The following TRMT11 variants were observed in gnomAD, a reference collection of about 807,000 sequenced individuals.
TRMT11 encodes tRNA (guanine(10)-N(2))-methyltransferase TRMT11.
In TRMT11, 53 loss-of-function variants were observed where a neutral mutation model predicts 62.8. The ratio of observed to expected loss-of-function variants is 0.84; its 90% CI spans 0.68 to 1.06. The LOEUF (loss-of-function observed/expected upper bound fraction) is 1.06, where lower values mean the gene tolerates loss of function less well. Among genes scored for constraint, TRMT11 ranks in the 50% least tolerant of loss-of-function variants. The pLI is 0.00. For synonymous variants in TRMT11, 188 were observed against 190.3 expected (o/e 0.99, Z 0.10); for missense variants, 556 against 553.4 (o/e 1.00, Z -0.05).
chr6:126,083,578 T>G (rs1777183509), intron 17 of TRMT11, among the ~76,000 whole-genome samples: 1 of 152,100 alleles, frequency 6.6e-6, no homozygotes, highest in Non-Finnish European at 1.5e-5. Context: ...GTGAAGCAAA[T>G]TAGCATATAC....
At chr6:126,266,922 C>T in the TRMT11 span, among the ~76,000 whole-genome samples, 2 of 152,134 alleles carry the variant, frequency 1.3e-5, no homozygotes, top group Non-Finnish European at 2.9e-5. Context: ...CCTCTTCCTC[C>T]TTAACCTGTA....
chr6:125,998,174 G>C (rs377424685), intron 4 of TRMT11, 40 bp downstream of exon 4: 35 of 1,595,672 alleles, frequency 2.2e-5, no homozygotes, highest in Non-Finnish European at 3.0e-5. Context: ...CATGCGTGCA[G>C]ATTCTGTAGA....
intron 8 of TRMT11, among the ~76,000 whole-genome samples, chr6:126,009,854 G>C (rs1231324680): frequency 1.3e-5 from 2 of 151,944 alleles, no homozygotes; most frequent in African/African-American, 4.8e-5. Flanking sequence ...ATTTATTAAA[G>C]TTATGTTTGG....
chr6:126,027,814 G>A (rs1490614728), intron 12 of TRMT11, among the ~76,000 whole-genome samples: 1 of 152,066 alleles, frequency 6.6e-6, no homozygotes, highest in African/African-American at 2.4e-5. Context: ...AAAACTGAGG[G>A]TTTTAACTAA....
At chr6:126,220,559 T>C in the TRMT11 span, among the ~76,000 whole-genome samples, 2 of 152,172 alleles carry the variant, frequency 1.3e-5, no homozygotes, top group African/African-American at 4.8e-5. Context: ...CTGAAGATCA[T>C]AAAAATGAAG....
intron 21 of TRMT11, among the ~76,000 whole-genome samples, chr6:126,156,326 A>G (rs1375029593): frequency 1.3e-5 from 2 of 151,308 alleles, no homozygotes; most frequent in African/African-American, 4.9e-5. Flanking sequence ...TGGGGGCTCC[A>G]CCCCACATTT....
intron 12 of TRMT11, among the ~76,000 whole-genome samples, chr6:126,024,607 T>A (rs1772696309): frequency 6.6e-6 from 1 of 152,238 alleles, no homozygotes; most frequent in Non-Finnish European, 1.5e-5. Context: ...TATGCATAAT[T>A]ACCTCCTTAA....
intron 7 of TRMT11, among the ~76,000 whole-genome samples, chr6:126,002,461 T>C (rs538172543): frequency 6.6e-6 from 1 of 152,220 alleles, no homozygotes; most frequent in South Asian, 2.1e-4. Flanking sequence ...GTTTCACAGT[T>C]GTTTTGCTTA....
intron 1 of TRMT11, among the ~76,000 whole-genome samples, chr6:126,194,741 A>G (rs968064741): frequency 1.5e-4 from 23 of 152,322 alleles, no homozygotes; most frequent in African/African-American, 4.6e-4. Context: ...CTTCATACCA[A>G]GTCTTCAAAA....
chr6:126,126,503 A>G (rs569938855), intron 21 of TRMT11, among the ~76,000 whole-genome samples: 103 of 152,216 alleles, frequency 6.8e-4, no homozygotes, highest in African/African-American at 2.4e-3. Context: ...CTCTTGGTCT[A>G]CAGCCTCCTC....
At chr6:126,003,224 G>A (rs905822062) in intron 7 of TRMT11, among the ~76,000 whole-genome samples, 1 of 152,038 alleles carries the variant, frequency 6.6e-6, no homozygotes, top group Non-Finnish European at 1.5e-5. Context: ...CTTTGAATGT[G>A]GCCTGATACA....
chr6:126,264,715 G>T, the TRMT11 span, among the ~76,000 whole-genome samples: 2 of 152,198 alleles, frequency 1.3e-5, no homozygotes, highest in Non-Finnish European at 2.9e-5. Flanking sequence ...AATTCTCCCA[G>T]CAGACTGCAT....
chr6:126,242,039 C>A, the TRMT11 span, among the ~76,000 whole-genome samples: 1 of 152,150 alleles, frequency 6.6e-6, no homozygotes, highest in South Asian at 2.1e-4. Flanking sequence ...AAAACCCCAT[C>A]GTCTCAGCCC....
the TRMT11 span, among the ~76,000 whole-genome samples, chr6:126,235,246 CT>C: frequency 2.0e-5 from 3 of 152,164 alleles, no homozygotes; most frequent in Non-Finnish European, 4.4e-5. Flanking sequence ...TGCTTTTACG[CT>C]GTTTGTGGGA....
chr6:126,091,686 A>T (rs942552796), intron 17 of TRMT11, among the ~76,000 whole-genome samples: 23 of 152,192 alleles, frequency 1.5e-4, no homozygotes, highest in Non-Finnish European at 2.4e-4. Context: ...GCTCAACAGG[A>T]AAGGCCTGAT....
intron 1 of TRMT11, among the ~76,000 whole-genome samples, chr6:126,177,779 G>A (rs1344696622): frequency 6.6e-6 from 1 of 151,780 alleles, no homozygotes; most frequent in Non-Finnish European, 1.5e-5. Flanking sequence ...AAAATTGCAC[G>A]ATTTTTTCAT....
intron 2 of TRMT11, among the ~76,000 whole-genome samples, chr6:126,199,386 A>G (rs945240169): frequency 8.5e-5 from 13 of 152,212 alleles, no homozygotes; most frequent in African/African-American, 2.4e-4. Flanking sequence ...CTCTGCAGAC[A>G]TCTCTTTGAA....
At chr6:126,112,757 G>A (rs142715755) in intron 17 of TRMT11, among the ~76,000 whole-genome samples, 107 of 152,112 alleles carry the variant, frequency 7.0e-4, no homozygotes, top group African/African-American at 2.3e-3. Context: ...CCTACAGATC[G>A]TTAGTTGCCT....
intron 2 of TRMT11, among the ~76,000 whole-genome samples, chr6:125,994,512 A>C (rs1791148367): frequency 1.3e-5 from 2 of 152,298 alleles, no homozygotes; most frequent in African/African-American, 2.4e-5. Context: ...AATTTTCTCA[A>C]TAAAAGTAAT....
Sources: gnomAD v4.1 joint callset for allele counts (sites outside exome capture counted in the v4.1 genomes callset) on GRCh38, gnomAD v4.1.1 for gene constraint, MANE v1.5 for transcripts, NCBI Gene and HGNC (gene_info 2026-07-23, HGNC 2026-07-21) for gene names.